The following PTPRF variants were observed in gnomAD, a reference collection of about 807,000 sequenced individuals.
The protein encoded by PTPRF is protein tyrosine phosphatase receptor type F.
PTPRF carries 59 observed loss-of-function variants against 201.8 expected under a neutral mutation model. The ratio of observed to expected loss-of-function variants is 0.29; its 90% CI spans 0.24 to 0.36. The LOEUF is 0.36. Ranked by LOEUF, PTPRF falls within the 10% of genes least tolerant of loss-of-function variation. The pLI is 1.00. For synonymous variants in PTPRF, 1,088 were observed against 1,089.7 expected (o/e 1.00, Z 0.03); for missense variants, 2,132 against 2,690.5 (o/e 0.79, Z 4.59).
chr1:43,622,377 T>C lies in PTPRF; in HGVS notation c.*374T>C, dbSNP rs963903484. Reference sequence around the variant, plus strand: ...CTGAGGGATTTTAGCCTCTTCCCTCTGATTTTTCCTTTCGCGAATCCGTAT... The same window carrying C: ...CTGAGGGATTTTAGCCTCTTCCCTCCGATTTTTCCTTTCGCGAATCCGTAT... On this transcript the variant is annotated 3_prime_UTR_variant, in exon 34 of 34. Coordinates refer to ENST00000359947, the MANE Select transcript of PTPRF (RefSeq NM_002840.5). The C allele has an allele frequency of 2.7e-5, 6 of 219,760 alleles. No individual in the cohort carries two copies. The highest frequency in any genetic ancestry group is 5.4e-5 in the Non-Finnish European group (6 of 111,758). The allele number at this position is 219,760 out of a possible 1,614,324, so 13.6% of individuals were successfully genotyped here.
At position 43,619,775 on chromosome 1, in the gene PTPRF, C is replaced by T. The variant is rs376716353; in HGVS notation, c.5028C>T (p.Tyr1676=). Residue 1676 remains tyrosine (Y), a synonymous_variant, in exon 29 of 34, where the codon TAC becomes TAT. Coordinates refer to ENST00000359947, the MANE Select transcript of PTPRF (RefSeq NM_002840.5). The part of the protein sequence containing the change: ...FKNRLVNIMP[Y]ELTRVCLQPI... ...ACCGGCTGGTGAACATCATGCCCTA[C>T]GAATTGACCCGTGTGTGTCTGCAGC... is the stretch of plus-strand genomic sequence containing the variant. 4.9e-5 allele frequency: 79 copies of T among 1,614,138 alleles called. No individual in the cohort carries two copies. Among genetic ancestry groups the T allele is most frequent in the Non-Finnish European group, 6.5e-5 (77 of 1,180,040 alleles).
intron 5 of PTPRF, among the ~76,000 whole-genome samples, chr1:43,568,294 C>G (rs80352756): frequency 4.4e-5 from 4 of 90,130 alleles, no homozygotes; most frequent in South Asian, 3.4e-4. Context: ...GACTCCATCT[C>G]AAAAAAAAAA....
chr1:43,612,622 G>A (rs973056837), intron 22 of PTPRF: 14 of 495,906 alleles, frequency 2.8e-5, no homozygotes, highest in Non-Finnish European at 4.7e-5. Flanking sequence ...GCCCCTCACC[G>A]CCCCCTCCTC....
chr1:43,619,673 T>C lies in PTPRF; in HGVS notation c.4933-7T>C. On this transcript the variant is annotated splice_polypyrimidine_tract_variant and splice_region_variant and intron_variant, in intron 28 of 33. Transcript: ENST00000359947. ...GCCTGGCCTGACCAATCCCTGCCTC[T>C]CAATAGTTGCTGGCCAGCTCCAAGG... is the stretch of plus-strand genomic sequence containing the variant. The C allele has an allele frequency of 6.2e-7, 1 of 1,613,798 alleles. No individual in the cohort carries two copies. The highest frequency in any genetic ancestry group is 1.3e-5 in the African/African-American group (1 of 75,026).
intron 27 of PTPRF, 25 bp downstream of exon 27, chr1:43,619,227 A>AGGGGTGGGT (rs898955118): frequency 4.4e-6 from 2 of 452,204 alleles, no homozygotes; most frequent in Non-Finnish European, 8.6e-6. Context: ...TGCCACCCAG[A>AGGGGTGGGT]GGGGTGGGTG....
chr1:43,587,534 T>G (rs963627830), intron 7 of PTPRF, among the ~76,000 whole-genome samples: 3 of 152,210 alleles, frequency 2.0e-5, no homozygotes, highest in Non-Finnish European at 4.4e-5. Flanking sequence ...GCTCTAGTTC[T>G]GTGATTTGGG....
At chr1:43,569,474 A>G (rs1646423344) in intron 5 of PTPRF, 116 bp from the exon 6 acceptor site, 2 of 997,748 alleles carry the variant, frequency 2.0e-6, no homozygotes, top group Non-Finnish European at 3.0e-6. Flanking sequence ...AGTCAAGGAA[A>G]GGGGAGGGGA....
chr1:43,617,738 G>T lies in PTPRF; in HGVS notation c.4198G>T (p.Val1400Phe), dbSNP rs764399239. 1.2e-6 allele frequency: 2 copies of T among 1,612,062 alleles called. No homozygotes were observed. The highest frequency in any genetic ancestry group is 1.7e-6 in the Non-Finnish European group (2 of 1,178,526). Residue 1400 changes from valine (V) to phenylalanine (F), a missense_variant and splice_region_variant, in exon 25 of 34, where the codon GTC becomes TTC. Physicochemically the swap from Val to Phe is conservative, Grantham distance 50. Around this residue, in one of 6 missense-constraint regions of PTPRF, gnomAD observed 818 missense variants for 915.3 expected, o/e 0.89. Coordinates refer to ENST00000359947, the MANE Select transcript of PTPRF (RefSeq NM_002840.5). Reference protein sequence around the residue: ...SRVILTSIDGVPGSDYINANY... With the variant: ...SRVILTSIDGFPGSDYINANY... ...CCCACCTCCTTTCTTATCCATAGGC[G>T]TCCCCGGGAGTGACTACATCAATGC...
At chr1:43,551,160 G>A (rs999093244) in intron 3 of PTPRF, among the ~76,000 whole-genome samples, 7 of 152,156 alleles carry the variant, frequency 4.6e-5, no homozygotes, top group African/African-American at 1.4e-4. Context: ...AGGGGCTTCC[G>A]CGTGTTAGGC....
In PTPRF at chr1:43,604,017, C is replaced by G. The variant is rs975560273; in HGVS notation, c.2865C>G (p.Phe955Leu). 6.2e-7 allele frequency: 1 copy of G among 1,614,244 alleles called. No homozygotes were observed. Among genetic ancestry groups the G allele is most frequent in the East Asian group, 2.2e-5 (1 of 44,894 alleles). Residue 955 changes from phenylalanine to leucine, a missense_variant, in exon 16 of 34, where the codon TTC (phenylalanine) becomes TTG (leucine). By Grantham distance (22) the Phe-to-Leu change is conservative. Transcript: ENST00000359947. Reference sequence around the variant, plus strand: ...GCATCATCAGCTACACCGTGGTGTTCCGAGACATCAACAGCCAACAGGAGC... The same window carrying G: ...GCATCATCAGCTACACCGTGGTGTTGCGAGACATCAACAGCCAACAGGAGC... The part of the protein sequence containing the change: ...NGRIISYTVV[F>L]RDINSQQELQ...
Position 43,591,494 on chromosome 1 carries a change from TCAC to T in PTPRF, c.1474_1476del (p.Thr492del). On this transcript the variant is annotated inframe_deletion, in exon 9 of 34. Transcript: ENST00000359947. ...ACCTACAGCCTGCGCGTGCTTGCCT[TCAC>T]CGCCGTGGGCGATGGCCCTCCCAGC... 1 of 1,600,542 alleles carries T rather than the reference TCAC, an allele frequency of 6.2e-7. No individual in the cohort carries two copies. The highest frequency in any genetic ancestry group is 8.5e-7 in the Non-Finnish European group (1 of 1,176,084).
At chr1:43,595,620 T>G (rs1258576813) in intron 11 of PTPRF, among the ~76,000 whole-genome samples, 2 of 152,046 alleles carry the variant, frequency 1.3e-5, no homozygotes, top group African/African-American at 4.8e-5. Context: ...GGGTAACTGG[T>G]GGAGCCTTGG....
At chr1:43,559,381 G>A (rs572576277) in intron 5 of PTPRF, among the ~76,000 whole-genome samples, 1 of 152,128 alleles carries the variant, frequency 6.6e-6, no homozygotes. Context: ...TGGTAAGCAG[G>A]TAGTGAGTAC....
chr1:43,611,010 C>T (rs72877527), intron 22 of PTPRF, among the ~76,000 whole-genome samples: 7 of 152,210 alleles, frequency 4.6e-5, no homozygotes, highest in South Asian at 2.1e-4. Context: ...AAACTATTTA[C>T]GCTCTGGCCT....
rs140577371 is a variant in PTPRF at position 43,599,917 on chromosome 1, G to A, written c.2313+1004G>A. The stretch of plus-strand genomic sequence containing the variant: ...GCTCTCAAGGTCTCCCTATCCAGGA[G>A]CAGGGCCTCCCCATTGAGCCTCTCA... On this transcript the variant is annotated intron_variant, in intron 13 of 33. Coordinates refer to ENST00000359947, the MANE Select transcript of PTPRF (RefSeq NM_002840.5). Among the ~76,000 whole-genome samples, 268 of 152,322 alleles carry A rather than the reference G, an allele frequency of 1.8e-3. 1 individual carries two copies. Among genetic ancestry groups the A allele is most frequent in the Middle Eastern group, 3.4e-3 (1 of 294 alleles).
intron 11 of PTPRF, among the ~76,000 whole-genome samples, chr1:43,596,956 T>C (rs1003212219): frequency 3.3e-5 from 5 of 152,030 alleles, no homozygotes; most frequent in Non-Finnish European, 7.4e-5. Flanking sequence ...ACTCTGTGTA[T>C]ATGTGAGTCT....
chr1:43,527,492 A>G (rs1363059848), upstream of PTPRF, among the ~76,000 whole-genome samples: 1 of 152,230 alleles, frequency 6.6e-6, no homozygotes, highest in African/African-American at 2.4e-5. Flanking sequence ...AGATCTGGGC[A>G]GGCTGCTTAC....
intron 21 of PTPRF, among the ~76,000 whole-genome samples, chr1:43,608,558 T>G (rs967497289): frequency 7.2e-5 from 11 of 152,192 alleles, no homozygotes; most frequent in African/African-American, 2.7e-4. Flanking sequence ...CAGAGGATGC[T>G]TCTTCTCTGG....
chr1:43,604,001 G>C lies in PTPRF; in HGVS notation c.2849G>C (p.Ser950Thr), dbSNP rs377187728. ...VLAERNGRII[S>T]YTVVFRDINS... ...GCGGAGAGGAACGGGCGCATCATCA[G>C]CTACACCGTGGTGTTCCGAGACATC... is the stretch of plus-strand genomic sequence containing the variant. Residue 950 changes from serine to threonine, a missense_variant, in exon 16 of 34, where the codon AGC (serine) becomes ACC (threonine). By Grantham distance (58) the Ser-to-Thr change is moderately conservative. Coordinates refer to ENST00000359947, the MANE Select transcript of PTPRF (RefSeq NM_002840.5). 111 of 1,614,104 alleles carry C rather than the reference G, an allele frequency of 6.9e-5. No homozygotes were observed. The highest frequency in any genetic ancestry group is 9.1e-5 in the Non-Finnish European group (107 of 1,180,056).
Sources: allele counts gnomAD v4.1 joint callset (sites outside exome capture counted in the v4.1 genomes callset), GRCh38; gene constraint gnomAD v4.1.1; regional missense constraint gnomAD v4.1.1; transcripts MANE v1.5; gene names NCBI Gene and HGNC (gene_info 2026-07-23, HGNC 2026-07-21).